The following MYO7A variants were observed in gnomAD, a reference collection of about 807,000 sequenced individuals.
The protein encoded by MYO7A is unconventional myosin-VIIa.
A neutral mutation model predicts 263.8 loss-of-function variants in MYO7A; 210 were observed. That is an observed-to-expected ratio of 0.80 (90% CI 0.71 to 0.89). The LOEUF (loss-of-function observed/expected upper bound fraction) is 0.89, where lower values mean the gene tolerates loss of function less well. Ranked by LOEUF, MYO7A falls within the 40% of genes least tolerant of loss-of-function variation. The probability of loss-of-function intolerance (pLI) is 0.00; values close to 1 mark genes in which losing one functional copy is unlikely to be tolerated. For synonymous variants in MYO7A, 1,239 were observed against 1,197.3 expected (o/e 1.03, Z -0.72); for missense variants, 2,820 against 2,968.3 (o/e 0.95, Z 1.16).
At chr11:77,194,739 G>A (rs1337825856) in intron 32 of MYO7A, among the ~76,000 whole-genome samples, 1 of 152,172 alleles carries the variant, frequency 6.6e-6, no homozygotes, top group Non-Finnish European at 1.5e-5. Context: ...GCCTCTGTGG[G>A]GCCATGGGTA....
At chr11:77,170,917 G>T (rs920211761) in intron 15 of MYO7A, among the ~76,000 whole-genome samples, 5 of 152,228 alleles carry the variant, frequency 3.3e-5, no homozygotes, top group Admixed American at 3.3e-4. Flanking sequence ...ACTGAGGACA[G>T]TTGCTAGATG....
Position 77,205,536 on chromosome 11 carries a change from C to G in MYO7A, c.5555C>G (p.Pro1852Arg), listed in dbSNP as rs767506335. ...GLFPPSNILL[P>R]HVQRFLQSRK... ...TTCCCACCCAGCAACATCCTCCTGC[C>G]CCACGTGCAGCGCTTCCTGCAGTCC... is the stretch of plus-strand genomic sequence containing the variant. Residue 1852 changes from proline (P) to arginine (R), a missense_variant, in exon 40 of 49, where the codon CCC becomes CGC. Pro to Arg is a moderately radical substitution (Grantham distance 103). Transcript: ENST00000409709. 1.2e-6 allele frequency: 2 copies of G among 1,609,496 alleles called. No homozygotes were observed. The highest frequency in any genetic ancestry group is 1.7e-6 in the Non-Finnish European group (2 of 1,178,382).
chr11:77,158,920 C>A lies in MYO7A; in HGVS notation c.1003+490C>A, dbSNP rs1345342814. On this transcript the variant is annotated intron_variant, in intron 9 of 48. Transcript: ENST00000409709. Reference sequence around the variant, plus strand: ...GTGGCAGGTCCCACTCTGCTCTTGCCCCTGATTCCCAGCATGGTCCCCAGG... The same window carrying A: ...GTGGCAGGTCCCACTCTGCTCTTGCACCTGATTCCCAGCATGGTCCCCAGG... Among the ~76,000 whole-genome samples, 7 of 152,260 alleles carry A rather than the reference C, an allele frequency of 4.6e-5. No homozygotes were observed. In the East Asian group the frequency reaches 1.4e-3, roughly 29 times the overall value.
At position 77,201,993 on chromosome 11, in the gene MYO7A, T is replaced by C. The variant is rs113661924; in HGVS notation, c.5044-307T>C. On this transcript the variant is annotated intron_variant, in intron 36 of 48. Transcript: ENST00000409709. ...CTGAGGACTCACAGCCCAGCTTCCC[T>C]AGTGGCTCCTGAGCCAGGCTCAGTG... 6.9e-3 allele frequency among the ~76,000 whole-genome samples: 1,046 copies of C among 152,246 alleles called. 6 individuals are homozygous for C. Among genetic ancestry groups the C allele is most frequent in the African/African-American group, 0.024 (993 of 41,552 alleles).
chr11:77,201,417 C>T, intron 35 of MYO7A, 31 bp from the exon 36 acceptor site: 1 of 1,596,674 alleles, frequency 6.3e-7, no homozygotes. Flanking sequence ...CTGTCTCTGC[C>T]CCCATGGTCC....
chr11:77,190,261 T>C, intron 29 of MYO7A, 122 bp downstream of exon 29: 1 of 1,049,146 alleles, frequency 9.5e-7, no homozygotes, highest in Non-Finnish European at 1.3e-6. Flanking sequence ...ATTCTGTGGT[T>C]CCTCAGACAC....
chr11:77,197,376 G>T, intron 32 of MYO7A, 105 bp from the exon 33 acceptor site: 1 of 802,570 alleles, frequency 1.2e-6, no homozygotes, highest in Non-Finnish European at 2.0e-6. Context: ...CACAGGAGGT[G>T]CAGGAGCCCC....
chr11:77,197,436 C>T (rs1956746866), intron 32 of MYO7A, 45 bp from the exon 33 acceptor site: 3 of 1,427,032 alleles, frequency 2.1e-6, no homozygotes. Flanking sequence ...AGAGCAAACT[C>T]ACTCGTATGT....
chr11:77,204,319 C>T, intron 39 of MYO7A, 90 bp downstream of exon 39: 1 of 1,489,124 alleles, frequency 6.7e-7, no homozygotes, highest in Non-Finnish European at 9.1e-7. Flanking sequence ...CTGGCTCTGC[C>T]TGGATGCAGT....
chr11:77,191,182 C>T lies in MYO7A; in HGVS notation c.3924+312C>T, dbSNP rs111739287. On this transcript the variant is annotated intron_variant, in intron 30 of 48. Transcript: ENST00000409709. ...TAAAAATACAAAAATTAGTGGAGCACGGTGGCGCACGCCTGTAGTCCCAGC... is the reference window on the plus strand; with the variant it reads ...TAAAAATACAAAAATTAGTGGAGCATGGTGGCGCACGCCTGTAGTCCCAGC... The T allele has an allele frequency of 1.6e-3, 345 of 217,038 alleles. 3 individuals carry two copies. The highest frequency in any genetic ancestry group is 5.5e-3 in the African/African-American group (244 of 44,036). The allele number at this position is 217,038 out of a possible 1,614,324, so 13.4% of individuals were successfully genotyped here. A position where few individuals can be genotyped will look rare whatever the true frequency, so the allele number is the denominator to read the frequency against.
chr11:77,190,103 G>A lies in MYO7A; in HGVS notation c.3714G>A (p.Gly1238=), dbSNP rs2135556498. 2 of 1,577,426 alleles carry A rather than the reference G, an allele frequency of 1.3e-6. No homozygotes were observed. Among genetic ancestry groups the A allele is most frequent in the South Asian group, 1.2e-5 (1 of 85,874 alleles). The part of the protein sequence containing the change: ...EERLRRTFVN[G]TRTQPPSWLE... ...GCCTGAGAAGGACCTTTGTCAATGG[G>A]ACACGGACACAGCCGCCCAGCTGGC... The change falls in exon 29 of 49, where the codon GGG becomes GGA. Residue 1238 remains glycine, a synonymous_variant. Coordinates refer to ENST00000409709, the MANE Select transcript of MYO7A (RefSeq NM_000260.4).
At chr11:77,142,894 G>T (rs1565310478) in intron 3 of MYO7A, 72 bp downstream of exon 3, 1 of 1,287,252 alleles carries the variant, frequency 7.8e-7, no homozygotes, top group East Asian at 2.5e-5. Context: ...CCTTGATGCA[G>T]GGAGATGATC....
Position 77,128,267 on chromosome 11 carries a change from C to G in MYO7A, c.-269C>G, listed in dbSNP as rs1239964059. 6.6e-6 allele frequency: 1 copy of G among 152,528 alleles called. No homozygotes were observed. The highest frequency in any genetic ancestry group is 2.4e-5 in the African/African-American group (1 of 41,464). 9.4% of individuals were successfully genotyped at this position (152,528 alleles called of 1,614,324 possible). On this transcript the variant is annotated 5_prime_UTR_variant, in exon 1 of 49. Coordinates refer to ENST00000409709, the MANE Select transcript of MYO7A (RefSeq NM_000260.4). The stretch of plus-strand genomic sequence containing the variant: ...CAGCAGTGCTGGCTGGACAGCTGCT[C>G]TGGGCAGGAGAGAGAGGGAGAGACA...
At chr11:77,184,905 G>T (rs1955550331) in intron 27 of MYO7A, 190 bp downstream of exon 27, 1 of 1,004,232 alleles carries the variant, frequency 1.0e-6, no homozygotes, top group East Asian at 2.6e-5. Flanking sequence ...TCTGTAAAGG[G>T]GGAATCCTAA....
chr11:77,164,640 AT>A (rs2135331617), intron 14 of MYO7A, among the ~76,000 whole-genome samples: 2 of 152,342 alleles, frequency 1.3e-5, no homozygotes, highest in Admixed American at 1.3e-4. Context: ...ACGCAAACAA[AT>A]TGGTCTTTCA....
chr11:77,189,226 G>A (rs183993949), intron 27 of MYO7A, 118 bp from the exon 28 acceptor site: 3 of 1,435,586 alleles, frequency 2.1e-6, no homozygotes, highest in African/African-American at 2.8e-5. Context: ...CCTCCCGGGT[G>A]GTCTTGGCAA....
chr11:77,212,592 T>C (rs1230659919), intron 46 of MYO7A: 1 of 370,210 alleles, frequency 2.7e-6, no homozygotes, highest in Non-Finnish European at 5.1e-6. Context: ...TGTGAGAGGA[T>C]ACGTATGGTC....
rs1951694088 is a variant in MYO7A at position 77,147,947 on chromosome 11, C to G, written c.282C>G (p.Ile94Met). The change falls in exon 4 of 49, where the codon ATC becomes ATG. Residue 94 changes from isoleucine (I) to methionine (M), a missense_variant. Coordinates refer to ENST00000409709, the MANE Select transcript of MYO7A (RefSeq NM_000260.4). ...TTATCCGCTACCGGGACCACCTCAT[C>G]TACGTGAGTGCCGCCCCGCCCGGTG... The part of the protein sequence containing the change: ...NLLIRYRDHL[I>M]YTYTGSILVA... 1 of 1,547,430 alleles carries G rather than the reference C, an allele frequency of 6.5e-7. No individual in the cohort carries two copies. The highest frequency in any genetic ancestry group is 8.7e-7 in the Non-Finnish European group (1 of 1,145,652).
Position 77,189,471 on chromosome 11 carries a change from G to A in MYO7A, c.3630+1G>A. ...CGCCCCCTCCGAGAAGTTTGTCAAG[G>A]TAGGAAGGTGCCTGGCCTCCTGGAG... On this transcript the variant is annotated splice_donor_variant, in intron 28 of 48. Coordinates refer to ENST00000409709, the MANE Select transcript of MYO7A (RefSeq NM_000260.4). LOFTEE classifies it high-confidence loss of function. The A allele has an allele frequency of 6.2e-7, 1 of 1,613,798 alleles. No individual in the cohort carries two copies. Among genetic ancestry groups the A allele is most frequent in the Non-Finnish European group, 8.5e-7 (1 of 1,179,840 alleles).
Sources: gnomAD v4.1 joint callset for allele counts (sites outside exome capture counted in the v4.1 genomes callset) on GRCh38, gnomAD v4.1.1 for gene constraint, MANE v1.5 for transcripts, NCBI Gene and HGNC (gene_info 2026-07-23, HGNC 2026-07-21) for gene names.